Variants in SLC35G5 observed in about 807,000 individuals in gnomAD.
The protein encoded by SLC35G5 is acyl-malonyl condensing enzyme 1-like 2.
Under a neutral mutation model 17.6 loss-of-function variants are expected in SLC35G5, and 14 were observed. The ratio of observed to expected loss-of-function variants is 0.79; its 90% CI spans 0.52 to 1.24. The LOEUF is 1.24. Ranked by LOEUF, SLC35G5 falls within the 50% of genes most tolerant of loss-of-function variation. The pLI, the probability that SLC35G5 is intolerant of heterozygous loss-of-function variation, is 0.00. For synonymous variants in SLC35G5, 236 were observed against 194.9 expected (o/e 1.21, Z -1.76); for missense variants, 541 against 430.3 (o/e 1.26, Z -2.28).
At position 11,331,531 on chromosome 8, in the gene SLC35G5, C is replaced by T. The variant is rs778592063; in HGVS notation, c.425C>T (p.Ser142Phe). The T allele has an allele frequency of 3.0e-5, 49 of 1,613,732 alleles. No homozygotes were observed. The highest frequency in any genetic ancestry group is 3.8e-5 in the Non-Finnish European group (45 of 1,179,864). The change falls in exon 1 of 1, where the codon TCC becomes TTC. Residue 142 changes from serine to phenylalanine, a missense_variant. Physicochemically the swap from Ser to Phe is radical, Grantham distance 155. Coordinates refer to ENST00000382435, the MANE Select transcript of SLC35G5 (RefSeq NM_054028.2). ...CGCAAAGGTTCTTCCACCGTATGCT[C>T]CGCTGTCCTCACCCTCTGCCTTGAG... ...TVRKGSSTVCSAVLTLCLESQ... is the reference protein window; with the variant it reads ...TVRKGSSTVCFAVLTLCLESQ...
Position 11,331,761 on chromosome 8 carries a change from C to T in SLC35G5, c.655C>T (p.Leu219Phe), listed in dbSNP as rs1463459405. 6.2e-7 allele frequency: 1 copy of T among 1,611,970 alleles called. No individual in the cohort carries two copies. The highest frequency in any genetic ancestry group is 2.2e-5 in the East Asian group (1 of 44,872). Reference sequence around the variant, plus strand: ...TCGTTCTCTGCACTTTCCCTCCTGCCTCCCAACAGTGGCCTTCCTATCTGG... The same window carrying T: ...TCGTTCTCTGCACTTTCCCTCCTGCTTCCCAACAGTGGCCTTCCTATCTGG... ...VYRSLHFPSC[L>F]PTVAFLSGLV... Residue 219 changes from leucine to phenylalanine, a missense_variant, in exon 1 of 1, where the codon CTC becomes TTC. Leu to Phe is a conservative substitution (Grantham distance 22, BLOSUM62 0). Coordinates refer to ENST00000382435, the MANE Select transcript of SLC35G5 (RefSeq NM_054028.2).
chr8:11,331,475 G>C lies in SLC35G5; in HGVS notation c.369G>C (p.Gln123His), dbSNP rs144063054. The change falls in exon 1 of 1, where the codon CAG becomes CAC. Residue 123 changes from glutamine (Q) to histidine (H), a missense_variant. Gln to His is a conservative substitution (Grantham distance 24). Coordinates refer to ENST00000382435, the MANE Select transcript of SLC35G5 (RefSeq NM_054028.2). ...LSIGCAYSAV[Q>H]VVPAGNAATV... ...TTGGATGTGCCTACAGTGCAGTTCA[G>C]GTGGTGCCCGCTGGCAACGCTGCCA... 1.5e-4 allele frequency: 243 copies of C among 1,613,978 alleles called. 1 individual carries two copies. In the African/African-American group the frequency reaches 2.7e-3, roughly 18 times the overall value.
chr8:11,332,102 G>T lies in SLC35G5; in HGVS notation c.996G>T (p.Arg332Ser). 1 of 1,611,920 alleles carries T rather than the reference G, an allele frequency of 6.2e-7. No homozygotes were observed. Among genetic ancestry groups the T allele is most frequent in the East Asian group, 2.2e-5 (1 of 44,886 alleles). ...CAGCCCGGAACCTCAGCTGTGAGAG[G>T]ACAGGGAAGGTGGAGGAGTGAGATA... is the stretch of plus-strand genomic sequence containing the variant. ...IITARNLSCE[R>S]TGKVEE The change falls in exon 1 of 1, where the codon AGG becomes AGT. Residue 332 changes from arginine to serine, a missense_variant. Transcript: ENST00000382435.
In SLC35G5 at chr8:11,332,004, A is replaced by G. The variant is rs140346793; in HGVS notation, c.898A>G (p.Met300Val). ...VVVALILQYY[M>V]LHETVALSDI... ...TGTGGCCCTTATACTGCAGTATTAT[A>G]TGCTCCATGAGACTGTGGCACTTTC... The change falls in exon 1 of 1, where the codon ATG becomes GTG. Residue 300 changes from methionine (M) to valine (V), a missense_variant. Coordinates refer to ENST00000382435, the MANE Select transcript of SLC35G5 (RefSeq NM_054028.2). The G allele has an allele frequency of 1.3e-3, 2,057 of 1,611,824 alleles. 2 individuals carry two copies. The highest frequency in any genetic ancestry group is 1.5e-3 in the Non-Finnish European group (1,780 of 1,179,820).
In SLC35G5 at chr8:11,331,268, G is replaced by T; in HGVS notation, c.162G>T (p.Val54=). The change falls in exon 1 of 1, where the codon GTG becomes GTT. Residue 54 remains valine (V), a synonymous_variant. Coordinates refer to ENST00000382435, the MANE Select transcript of SLC35G5 (RefSeq NM_054028.2). The stretch of plus-strand genomic sequence containing the variant: ...GTGGGGGCCTGCCTGCTGGCTTCGT[G>T]GGCCCCCTTTCTCGTATGGCTTACC... The part of the protein sequence containing the change: ...LLGGGLPAGF[V]GPLSRMAYQG... The T allele has an allele frequency of 1.2e-6, 2 of 1,613,948 alleles. No homozygotes were observed. Among genetic ancestry groups the T allele is most frequent in the Non-Finnish European group, 1.7e-6 (2 of 1,179,922 alleles).
Position 11,331,292 on chromosome 8 carries a change from C to T in SLC35G5, c.186C>T (p.Tyr62=), listed in dbSNP as rs1801212971. The T allele has an allele frequency of 6.2e-7, 1 of 1,613,998 alleles. No individual in the cohort carries two copies. Among genetic ancestry groups the T allele is most frequent in the Admixed American group, 1.7e-5 (1 of 60,028 alleles). ...GFVGPLSRMA[Y]QGSNLPSLEL... is the part of the protein sequence containing the mutation. ...TGGGCCCCCTTTCTCGTATGGCTTACCAGGGTTCCAACCTGCCCTCGCTGG... is the reference window on the plus strand; with the variant it reads ...TGGGCCCCCTTTCTCGTATGGCTTATCAGGGTTCCAACCTGCCCTCGCTGG... The change falls in exon 1 of 1, where the codon TAC becomes TAT. Residue 62 remains tyrosine, a synonymous_variant. Coordinates refer to ENST00000382435, the MANE Select transcript of SLC35G5 (RefSeq NM_054028.2).
In SLC35G5 at chr8:11,331,758, T is replaced by C; in HGVS notation, c.652T>C (p.Cys218Arg). The C allele has an allele frequency of 6.2e-7, 1 of 1,611,932 alleles. No individual in the cohort carries two copies. The highest frequency in any genetic ancestry group is 1.7e-5 in the Admixed American group (1 of 60,014). ...CTATCGTTCTCTGCACTTTCCCTCC[T>C]GCCTCCCAACAGTGGCCTTCCTATC... The part of the protein sequence containing the change: ...LVYRSLHFPS[C>R]LPTVAFLSGL... Residue 218 changes from cysteine to arginine, a missense_variant, in exon 1 of 1, where the codon TGC becomes CGC. By Grantham distance (180) the Cys-to-Arg change is radical. Transcript: ENST00000382435.
Position 11,331,759 on chromosome 8 carries a change from G to A in SLC35G5, c.653G>A (p.Cys218Tyr). The change falls in exon 1 of 1, where the codon TGC (cysteine) becomes TAC (tyrosine). Residue 218 changes from cysteine to tyrosine, a missense_variant. Cys to Tyr is a radical substitution (Grantham distance 194). Transcript: ENST00000382435. ...LVYRSLHFPS[C>Y]LPTVAFLSGL... ...TATCGTTCTCTGCACTTTCCCTCCT[G>A]CCTCCCAACAGTGGCCTTCCTATCT... 6.2e-7 allele frequency: 1 copy of A among 1,611,894 alleles called. No homozygotes were observed. Among genetic ancestry groups the A allele is most frequent in the Non-Finnish European group, 8.5e-7 (1 of 1,179,818 alleles).
Position 11,331,642 on chromosome 8 carries a change from C to T in SLC35G5, c.536C>T (p.Thr179Ile). 2 of 1,612,154 alleles carry T rather than the reference C, an allele frequency of 1.2e-6. No homozygotes were observed. The highest frequency in any genetic ancestry group is 1.1e-5 in the South Asian group (1 of 90,980). ...ATCATTCTGGGACCTGGACTCTGGA[C>T]ACTACAGGAGGGGACCACAGGTGTC... ...LIIILGPGLW[T>I]LQEGTTGVYT... Residue 179 changes from threonine to isoleucine, a missense_variant, in exon 1 of 1, where the codon ACA (threonine) becomes ATA (isoleucine). Coordinates refer to ENST00000382435, the MANE Select transcript of SLC35G5 (RefSeq NM_054028.2).
Position 11,331,657 on chromosome 8 carries a change from C to G in SLC35G5, c.551C>G (p.Thr184Ser). ...GGACTCTGGACACTACAGGAGGGGA[C>G]CACAGGTGTCTACACCACCCTGGGC... ...GPGLWTLQEGTTGVYTTLGYV... is the reference protein window; with the variant it reads ...GPGLWTLQEGSTGVYTTLGYV... The change falls in exon 1 of 1, where the codon ACC becomes AGC. Residue 184 changes from threonine (T) to serine (S), a missense_variant. Coordinates refer to ENST00000382435, the MANE Select transcript of SLC35G5 (RefSeq NM_054028.2). The G allele has an allele frequency of 6.2e-7, 1 of 1,611,486 alleles. No homozygotes were observed. Among genetic ancestry groups the G allele is most frequent in the South Asian group, 1.1e-5 (1 of 90,992 alleles).
chr8:11,332,314 A>C lies in SLC35G5; in HGVS notation c.*191A>C. On this transcript the variant is annotated 3_prime_UTR_variant, in exon 1 of 1. Transcript: ENST00000382435. ...AAAAATATCACAAAGCATGCAAACA[A>C]ATGAGAAATCTGGCTTATTTACAGG... is the stretch of plus-strand genomic sequence containing the variant. 1 of 1,032,110 alleles carries C rather than the reference A, an allele frequency of 9.7e-7. No homozygotes were observed. Among genetic ancestry groups the C allele is most frequent in the Non-Finnish European group, 1.3e-6 (1 of 761,792 alleles). 63.9% of individuals were successfully genotyped at this position (1,032,110 alleles called of 1,614,324 possible).
rs2572403 is a variant in SLC35G5 at position 11,331,835 on chromosome 8, C to T, written c.729C>T (p.Thr243=). 20 of 1,611,732 alleles carry T rather than the reference C, an allele frequency of 1.2e-5. No homozygotes were observed. Among genetic ancestry groups the T allele is most frequent in the Admixed American group, 1.7e-5 (1 of 59,984 alleles). Residue 243 remains threonine (T), a synonymous_variant, in exon 1 of 1, where the codon ACC becomes ACT. Transcript: ENST00000382435. ...TGCCAGGCCTCTTTGTGCTGCAGAC[C>T]CCCGTGTTGCCCAGTGACCTCCTGA... ...GCVPGLFVLQ[T]PVLPSDLLSW... is the part of the protein sequence containing the mutation.
At position 11,331,506 on chromosome 8, in the gene SLC35G5, C is replaced by A. The variant is rs151141565; in HGVS notation, c.400C>A (p.Arg134Ser). 12 of 1,613,830 alleles carry A rather than the reference C, an allele frequency of 7.4e-6. No homozygotes were observed. The highest frequency in any genetic ancestry group is 4.5e-5 in the East Asian group (2 of 44,866). Residue 134 changes from arginine (R) to serine (S), a missense_variant, in exon 1 of 1, where the codon CGC becomes AGC. Coordinates refer to ENST00000382435, the MANE Select transcript of SLC35G5 (RefSeq NM_054028.2). ...VVPAGNAATV[R>S]KGSSTVCSAV... is the part of the protein sequence containing the mutation. ...GCCCGCTGGCAACGCTGCCACTGTT[C>A]GCAAAGGTTCTTCCACCGTATGCTC...
rs1489730626 is a variant in SLC35G5, at chr8:11,332,192, A to C, written c.*69A>C. 9 of 1,536,308 alleles carry C rather than the reference A, an allele frequency of 5.9e-6. No individual in the cohort carries two copies. In the South Asian group the frequency reaches 1.1e-4, roughly 20 times the overall value. On this transcript the variant is annotated 3_prime_UTR_variant, in exon 1 of 1. Transcript: ENST00000382435. ...TAAAGACAAAGACTGAAGACAAAAA[A>C]AAAATAAAAGAAAAAAAATAATTAT...
Position 11,331,405 on chromosome 8 carries a change from T to C in SLC35G5, c.299T>C (p.Ile100Thr). ...GACCCCCTTCTGGGACCTCCTGACA[T>C]CCGAGGCTGGGCCTGCTTCTGTGCC... The part of the protein sequence containing the change: ...RGDPLLGPPD[I>T]RGWACFCALL... The change falls in exon 1 of 1, where the codon ATC becomes ACC. Residue 100 changes from isoleucine to threonine, a missense_variant. Transcript: ENST00000382435. The C allele has an allele frequency of 6.2e-7, 1 of 1,613,948 alleles. No homozygotes were observed. Among genetic ancestry groups the C allele is most frequent in the African/African-American group, 1.3e-5 (1 of 75,056 alleles).
Position 11,331,116 on chromosome 8 carries a change from A to C in SLC35G5, c.10A>C (p.Ser4Arg), listed in dbSNP as rs372435920. Reference sequence around the variant, plus strand: ...GAAAGTCCAAGGAAAGATGGCTGGCAGTCACCCCTACTTCAACCTGCCTGA... The same window carrying C: ...GAAAGTCCAAGGAAAGATGGCTGGCCGTCACCCCTACTTCAACCTGCCTGA... MAG[S>R]HPYFNLPDST... The change falls in exon 1 of 1, where the codon AGT becomes CGT. Residue 4 changes from serine to arginine, a missense_variant. Ser to Arg is a moderately radical substitution (Grantham distance 110, BLOSUM62 -1). Coordinates refer to ENST00000382435, the MANE Select transcript of SLC35G5 (RefSeq NM_054028.2). 1.3e-6 allele frequency: 2 copies of C among 1,594,904 alleles called. No homozygotes were observed. The highest frequency in any genetic ancestry group is 2.7e-5 in the African/African-American group (2 of 74,484).
In SLC35G5 at chr8:11,332,072, C is replaced by T. The variant is rs768316151; in HGVS notation, c.966C>T (p.Ile322=). 67 of 1,611,464 alleles carry T rather than the reference C, an allele frequency of 4.2e-5. No individual in the cohort carries two copies. The South Asian group carries it at 7.3e-4, about 17-fold the overall frequency. ...GGGTTGTGCTGGGCAGCATTGCCAT[C>T]ATTACAGCCCGGAACCTCAGCTGTG... ...GAGVVLGSIA[I]ITARNLSCER... is the part of the protein sequence containing the mutation. Residue 322 remains isoleucine (I), a synonymous_variant, in exon 1 of 1, where the codon ATC becomes ATT. Coordinates refer to ENST00000382435, the MANE Select transcript of SLC35G5 (RefSeq NM_054028.2).
Position 11,331,677 on chromosome 8 carries a change from C to T in SLC35G5, c.571C>T (p.Leu191=). ...QEGTTGVYTT[L]GYVQAFLGGL... ...GGGGACCACAGGTGTCTACACCACC[C>T]TGGGCTATGTGCAGGCTTTCCTGGG... The change falls in exon 1 of 1, where the codon CTG becomes TTG. Residue 191 remains leucine, a synonymous_variant. Coordinates refer to ENST00000382435, the MANE Select transcript of SLC35G5 (RefSeq NM_054028.2). 2 of 1,612,102 alleles carry T rather than the reference C, an allele frequency of 1.2e-6. No individual in the cohort carries two copies. The highest frequency in any genetic ancestry group is 1.1e-5 in the South Asian group (1 of 90,988).
In SLC35G5 at chr8:11,331,657, C is replaced by T. The variant is rs773511771; in HGVS notation, c.551C>T (p.Thr184Ile). 6.2e-7 allele frequency: 1 copy of T among 1,611,486 alleles called. No individual in the cohort carries two copies. Among genetic ancestry groups the T allele is most frequent in the South Asian group, 1.1e-5 (1 of 90,992 alleles). Residue 184 changes from threonine to isoleucine, a missense_variant, in exon 1 of 1, where the codon ACC becomes ATC. Thr to Ile is a moderately conservative substitution (Grantham distance 89, BLOSUM62 -1). Coordinates refer to ENST00000382435, the MANE Select transcript of SLC35G5 (RefSeq NM_054028.2). ...GPGLWTLQEG[T>I]TGVYTTLGYV... ...GGACTCTGGACACTACAGGAGGGGA[C>T]CACAGGTGTCTACACCACCCTGGGC...
Sources: allele counts gnomAD v4.1 joint callset, GRCh38; gene constraint gnomAD v4.1.1; transcripts MANE v1.5; gene names NCBI Gene and HGNC (gene_info 2026-07-23, HGNC 2026-07-21).